CCDC186: variants seen among roughly 807,000 people sequenced by gnomAD.
The protein encoded by CCDC186 is coiled-coil domain containing 186, also known as coiled-coil domain-containing protein 186.
Under a neutral mutation model 113.7 loss-of-function variants are expected in CCDC186, and 49 were observed. That is an observed-to-expected ratio of 0.43 (90% CI 0.34 to 0.55). CCDC186 has a LOEUF of 0.55. CCDC186 is among the 20% of genes least tolerant of loss of function. The probability of loss-of-function intolerance (pLI) is 0.02; values close to 1 mark genes in which losing one functional copy is unlikely to be tolerated. For missense variants in CCDC186, 890 were observed against 1,011.1 expected (o/e 0.88, Z 1.62); for synonymous variants, 355 against 345.8 (o/e 1.03, Z -0.30).
chr10:114,135,123 G>T (rs2119714117), intron 9 of CCDC186, 68 bp from the exon 10 acceptor site: 2 of 1,412,704 alleles, frequency 1.4e-6, no homozygotes, highest in Non-Finnish European at 1.9e-6. Context: ...TTTGTATAGT[G>T]GTTACATATG....
intron 5 of CCDC186, among the ~76,000 whole-genome samples, chr10:114,145,051 G>A (rs981692680): frequency 1.3e-5 from 2 of 152,036 alleles, no homozygotes; most frequent in African/African-American, 2.4e-5. Flanking sequence ...AACAGGAAGG[G>A]TTCTGAATAG....
In CCDC186 at chr10:114,136,262, C is replaced by CA. The variant is rs758158131; in HGVS notation, c.1327-17dup. 1.3e-6 allele frequency: 2 copies of CA among 1,583,728 alleles called. No individual in the cohort carries two copies. The highest frequency in any genetic ancestry group is 8.6e-7 in the Non-Finnish European group (1 of 1,160,660). ...CTTCTGACTCCTAGTGGAAAGAAAA[C>CA]AAAAAAAGTGTGACAATTTTTAACC... On this transcript the variant is annotated splice_polypyrimidine_tract_variant and intron_variant, in intron 7 of 15. Transcript: ENST00000369287.
chr10:114,135,073 C>A lies in CCDC186; in HGVS notation c.1513-18G>T. 2 of 1,593,754 alleles carry A rather than the reference C, an allele frequency of 1.3e-6. No homozygotes were observed. Among genetic ancestry groups the A allele is most frequent in the Non-Finnish European group, 8.5e-7 (1 of 1,173,944 alleles). On this transcript the variant is annotated intron_variant, in intron 9 of 15. Transcript: ENST00000369287. The stretch of plus-strand genomic sequence containing the variant: ...CATTTCACCTATCAAATGATCACAA[C>A]CAAGTTACAAACCATGTATTCTTGT...
At chr10:114,161,406 A>G (rs2032163632) in intron 2 of CCDC186, among the ~76,000 whole-genome samples, 1 of 152,132 alleles carries the variant, frequency 6.6e-6, no homozygotes, top group South Asian at 2.1e-4. Flanking sequence ...CAGCATATAC[A>G]TGTTTACTGC....
chr10:114,127,398 G>A, intron 14 of CCDC186, 63 bp downstream of exon 14: 1 of 1,444,220 alleles, frequency 6.9e-7, no homozygotes. Flanking sequence ...TTTAAAAACA[G>A]TAACTTTGCT....
chr10:114,161,828 T>C (rs1264041084), intron 2 of CCDC186: 1 of 152,164 alleles, frequency 6.6e-6, no homozygotes, highest in Non-Finnish European at 1.5e-5. Flanking sequence ...ATGTGGTATA[T>C]ACATACAATG....
chr10:114,123,068 A>G lies in CCDC186; in HGVS notation c.*2075T>C, dbSNP rs530549492. 19 of 152,660 alleles carry G rather than the reference A, an allele frequency of 1.2e-4. No homozygotes were observed. Among genetic ancestry groups the G allele is most frequent in the Middle Eastern group, 6.8e-3 (2 of 294 alleles). The allele number at this position is 152,660 out of a possible 1,614,324, so 9.5% of individuals were successfully genotyped here. On this transcript the variant is annotated 3_prime_UTR_variant, in exon 16 of 16. Coordinates refer to ENST00000369287, the MANE Select transcript of CCDC186 (RefSeq NM_018017.4). Reference sequence around the variant, plus strand: ...TACATTTTGTGCCTTGGGGAAAAAAATCCAAATATTGTAGTTTATGAACCT... The same window carrying G: ...TACATTTTGTGCCTTGGGGAAAAAAGTCCAAATATTGTAGTTTATGAACCT...
chr10:114,144,468 T>A, intron 6 of CCDC186, 29 bp downstream of exon 6: 1 of 1,578,724 alleles, frequency 6.3e-7, no homozygotes, highest in African/African-American at 1.4e-5. Context: ...CTCATTCTAA[T>A]CATTATTCCA....
intron 1 of CCDC186, among the ~76,000 whole-genome samples, chr10:114,165,705 G>A (rs773968987): frequency 3.3e-5 from 5 of 151,614 alleles, no homozygotes; most frequent in South Asian, 2.1e-4. Context: ...AAAATTAGCC[G>A]GGCATTATGG....
intron 4 of CCDC186, among the ~76,000 whole-genome samples, chr10:114,148,461 G>A (rs2031714391): frequency 6.6e-6 from 1 of 152,154 alleles, no homozygotes; most frequent in Admixed American, 6.5e-5. Flanking sequence ...CATTGACTTG[G>A]ATAAAGATAA....
chr10:114,161,728 T>C (rs1211350742), intron 2 of CCDC186: 1 of 152,188 alleles, frequency 6.6e-6, no homozygotes, highest in Non-Finnish European at 1.5e-5. Context: ...CTTGAAGAGA[T>C]ACTTGCAAAC....
intron 1 of CCDC186, among the ~76,000 whole-genome samples, chr10:114,163,784 C>G (rs1211644640): frequency 6.6e-6 from 1 of 152,062 alleles, no homozygotes; most frequent in African/African-American, 2.4e-5. Flanking sequence ...GATAACAAAA[C>G]AACGCACATT....
intron 4 of CCDC186, among the ~76,000 whole-genome samples, chr10:114,148,839 T>A (rs556543290): frequency 2.4e-4 from 36 of 152,372 alleles, no homozygotes; most frequent in African/African-American, 7.9e-4. Context: ...AAATTCATTC[T>A]ATCTATCTGG....
intron 2 of CCDC186, 135 bp from the exon 3 acceptor site, chr10:114,157,815 A>C: frequency 1.5e-6 from 1 of 688,536 alleles, no homozygotes; most frequent in South Asian, 2.2e-5. Flanking sequence ...TAACATTCCT[A>C]AATAATCATT....
At position 114,129,962 on chromosome 10, in the gene CCDC186, T is replaced by C. The variant is rs2031035036; in HGVS notation, c.2111A>G (p.Lys704Arg). The change falls in exon 13 of 16, where the codon AAA (lysine) becomes AGA (arginine). Residue 704 changes from lysine to arginine, a missense_variant. Transcript: ENST00000369287. ...LTKQLQQARR[K>R]LDQVESGSYD... Reference sequence around the variant, plus strand: ...GCTTCCACTCTCAACCTGATCTAATTTTCTTCGTGCTATAGGAAAAAGAAG... The same window carrying C: ...GCTTCCACTCTCAACCTGATCTAATCTTCTTCGTGCTATAGGAAAAAGAAG... 1 of 1,613,162 alleles carries C rather than the reference T, an allele frequency of 6.2e-7. No homozygotes were observed. Among genetic ancestry groups the C allele is most frequent in the African/African-American group, 1.3e-5 (1 of 74,882 alleles).
At chr10:114,167,177 T>C (rs2032360956) in intron 1 of CCDC186, among the ~76,000 whole-genome samples, 1 of 152,048 alleles carries the variant, frequency 6.6e-6, no homozygotes, top group Admixed American at 6.6e-5. Flanking sequence ...CGAGCCACCA[T>C]GCCCAGCTAA....
intron 1 of CCDC186, among the ~76,000 whole-genome samples, chr10:114,166,486 G>C (rs369518637): frequency 1.3e-5 from 2 of 152,320 alleles, no homozygotes; most frequent in East Asian, 3.8e-4. Context: ...CAAGCACATA[G>C]AGCCTTTCTT....
intron 1 of CCDC186, among the ~76,000 whole-genome samples, chr10:114,165,301 G>A (rs573811948): frequency 7.2e-5 from 11 of 152,300 alleles, no homozygotes; most frequent in African/African-American, 1.2e-4. Flanking sequence ...AAAAGACCTC[G>A]TAAGTACTCT....
intron 14 of CCDC186, among the ~76,000 whole-genome samples, chr10:114,126,423 C>T (rs1161776655): frequency 2.0e-5 from 3 of 152,198 alleles, no homozygotes; most frequent in Non-Finnish European, 4.4e-5. Context: ...GTGACACAAA[C>T]ATAGCTCGCT....
Sources: allele counts gnomAD v4.1 joint callset (sites outside exome capture counted in the v4.1 genomes callset), GRCh38; gene constraint gnomAD v4.1.1; transcripts MANE v1.5; gene names NCBI Gene and HGNC (gene_info 2026-07-23, HGNC 2026-07-21).